The following CFH variants were observed in gnomAD, a reference collection of about 807,000 sequenced individuals.
CFH encodes H factor 1 (complement).
In CFH, 53 loss-of-function variants were observed where a neutral mutation model predicts 147.3. The observed-to-expected ratio is 0.36, with a 90% CI of 0.29 to 0.45. The LOEUF is 0.45. Ranked by LOEUF, CFH falls within the 20% of genes least tolerant of loss-of-function variation. The pLI, the probability that CFH is intolerant of heterozygous loss-of-function variation, is 1.00. For missense variants in CFH, 1,380 were observed against 1,498.0 expected (o/e 0.92, Z 1.30); for synonymous variants, 536 against 489.4 (o/e 1.10, Z -1.26).
chr1:196,724,994 G>A (rs1669102103), intron 11 of CFH, 127 bp from the exon 12 acceptor site: 4 of 719,704 alleles, frequency 5.6e-6, no homozygotes, highest in Non-Finnish European at 9.5e-6. Flanking sequence ...TCTTTACAGG[G>A]AAAAGGATTT....
At chr1:196,654,666 A>T (rs993567031) in intron 1 of CFH, among the ~76,000 whole-genome samples, 4 of 152,196 alleles carry the variant, frequency 2.6e-5, no homozygotes, top group Non-Finnish European at 4.4e-5. Context: ...AAATTCCAAG[A>T]TGATTAAAGT....
chr1:196,658,740 T>A (rs1220621141), intron 1 of CFH, among the ~76,000 whole-genome samples: 1 of 152,004 alleles, frequency 6.6e-6, no homozygotes, highest in Admixed American at 6.5e-5. Context: ...AGGTAATTTT[T>A]AAAATTTTTT....
chr1:196,674,641 C>A (rs1667394551), intron 3 of CFH, among the ~76,000 whole-genome samples: 1 of 152,070 alleles, frequency 6.6e-6, no homozygotes, highest in Non-Finnish European at 1.5e-5. Context: ...TCGTATACTT[C>A]ATAAATATAA....
rs549213437 is a variant in CFH, at chr1:196,658,407, A to ATTTTTTTTTTTTTTTTTTTTTTTTT, written c.58+6254_58+6255insTTTTTTTTTTTTTTTTTTTTTTTTT. On this transcript the variant is annotated intron_variant, in intron 1 of 21. Transcript: ENST00000367429. The stretch of plus-strand genomic sequence containing the variant: ...GGATTACAGCCACCTTGCTCAGGTA[A>ATTTTTTTTTTTTTTTTTTTTTTTTT]TTTTTTTTTTTTTTTTTTTTTTGAG... Among the ~76,000 whole-genome samples, 18 of 92,250 alleles carry ATTTTTTTTTTTTTTTTTTTTTTTTT rather than the reference A, an allele frequency of 2.0e-4. 1 individual carries two copies. Among genetic ancestry groups the ATTTTTTTTTTTTTTTTTTTTTTTTT allele is most frequent in the East Asian group, 6.8e-4 (2 of 2,962 alleles). The allele number at this position is 92,250 out of a possible 152,430, so 60.5% of individuals were successfully genotyped here.
chr1:196,678,974 A>G (rs2149081619), intron 5 of CFH: 1 of 152,420 alleles, frequency 6.6e-6, no homozygotes, highest in Admixed American at 6.6e-5. Context: ...AAGGATTTCA[A>G]GTGGAGTTAC....
intron 9 of CFH, among the ~76,000 whole-genome samples, chr1:196,696,958 A>G (rs1668293960): frequency 6.6e-6 from 1 of 152,234 alleles, no homozygotes; most frequent in African/African-American, 2.4e-5. Flanking sequence ...CCATATGTAG[A>G]AAGCTGAAAC....
intron 11 of CFH, among the ~76,000 whole-genome samples, chr1:196,718,804 G>T (rs1668931438): frequency 6.6e-6 from 1 of 152,054 alleles, no homozygotes; most frequent in Non-Finnish European, 1.5e-5. Flanking sequence ...TGTAGAAAAT[G>T]TCTTTCTATT....
intron 9 of CFH, among the ~76,000 whole-genome samples, chr1:196,700,200 G>T (rs546663977): frequency 6.6e-5 from 10 of 152,190 alleles, no homozygotes; most frequent in African/African-American, 2.4e-4. Flanking sequence ...AAAGATTCTT[G>T]CCCAGAAAGC....
At chr1:196,696,589 C>A (rs1006361994) in intron 9 of CFH, among the ~76,000 whole-genome samples, 1 of 151,210 alleles carries the variant, frequency 6.6e-6, no homozygotes, top group Admixed American at 6.6e-5. Context: ...CTATAAATTA[C>A]CTTTGGCAGC....
chr1:196,725,217 A>C lies in CFH; in HGVS notation c.1793A>C (p.Lys598Thr). The C allele has an allele frequency of 6.2e-7, 1 of 1,613,960 alleles. No individual in the cohort carries two copies. The highest frequency in any genetic ancestry group is 1.1e-5 in the South Asian group (1 of 91,076). ...GGAGAGGTGTTGAAATTCTCCTGCAAACCAGGATTTACAATAGTTGGACCT... is the reference window on the plus strand; with the variant it reads ...GGAGAGGTGTTGAAATTCTCCTGCACACCAGGATTTACAATAGTTGGACCT... Reference protein sequence around the residue: ...KVGEVLKFSCKPGFTIVGPNS... With the variant: ...KVGEVLKFSCTPGFTIVGPNS... Residue 598 changes from lysine (K) to threonine (T), a missense_variant, in exon 12 of 22, where the codon AAA becomes ACA. Physicochemically the swap from Lys to Thr is moderately conservative, Grantham distance 78. This residue lies in a region of CFH where 830 missense variants were observed against 821.4 expected (regional missense o/e 1.01). Transcript: ENST00000367429.
At chr1:196,707,969 T>C (rs1485820478) in intron 9 of CFH, among the ~76,000 whole-genome samples, 4 of 152,230 alleles carry the variant, frequency 2.6e-5, no homozygotes, top group Non-Finnish European at 4.4e-5. Flanking sequence ...GCTACCCTTA[T>C]AGACATTACT....
chr1:196,718,740 A>T (rs1558175520), intron 11 of CFH, among the ~76,000 whole-genome samples: 1 of 152,080 alleles, frequency 6.6e-6, no homozygotes, highest in Non-Finnish European at 1.5e-5. Context: ...CAGACATGAA[A>T]TGAAAACCTA....
chr1:196,706,830 G>T (rs188779198), intron 9 of CFH, among the ~76,000 whole-genome samples: 1 of 152,130 alleles, frequency 6.6e-6, no homozygotes, highest in Non-Finnish European at 1.5e-5. Context: ...CAAGCAAGAG[G>T]TGCAGGGCTA....
Position 196,689,516 on chromosome 1 carries a change from C to T in CFH, c.1061C>T (p.Ser354Phe), listed in dbSNP as rs1262660062. 1.9e-6 allele frequency: 3 copies of T among 1,613,482 alleles called. No individual in the cohort carries two copies. In the Admixed American group the frequency reaches 5.0e-5, roughly 27 times the overall value. ...CCAGTAGCTGTAGGAAAATATTACT[C>T]CTATTACTGTGATGAACATTTTGAG... Reference protein sequence around the residue: ...YFPVAVGKYYSYYCDEHFETP... With the variant: ...YFPVAVGKYYFYYCDEHFETP... Residue 354 changes from serine to phenylalanine, a missense_variant, in exon 8 of 22, where the codon TCC becomes TTC. This residue lies in a region of CFH where 167 missense variants were observed against 228.0 expected (regional missense o/e 0.73). Coordinates refer to ENST00000367429, the MANE Select transcript of CFH (RefSeq NM_000186.4).
chr1:196,746,277 T>A (rs562426311), intron 21 of CFH, among the ~76,000 whole-genome samples: 94 of 152,164 alleles, frequency 6.2e-4, no homozygotes, highest in South Asian at 1.0e-3. Context: ...AAACCCCGTC[T>A]CTACTAAAAA....
chr1:196,740,707 C>T lies in CFH; in HGVS notation c.2871C>T (p.Tyr957=). 6.2e-7 allele frequency: 1 copy of T among 1,613,688 alleles called. No homozygotes were observed. The highest frequency in any genetic ancestry group is 8.5e-7 in the Non-Finnish European group (1 of 1,179,896). Residue 957 remains tyrosine, a synonymous_variant, in exon 18 of 22, where the codon TAC becomes TAT. Coordinates refer to ENST00000367429, the MANE Select transcript of CFH (RefSeq NM_000186.4). ...DSYQYGEEVT[Y]KCFEGFGIDG... is the part of the protein sequence containing the mutation. ...ATCAGTATGGAGAAGAAGTTACGTA[C>T]AAATGTTTTGAAGGTTTTGGAATTG...
chr1:196,679,845 T>G, intron 6 of CFH, 52 bp downstream of exon 6: 1 of 1,432,272 alleles, frequency 7.0e-7, no homozygotes, highest in Non-Finnish European at 9.6e-7. Context: ...CATATTTTAA[T>G]TAATTCTTTT....
intron 11 of CFH, among the ~76,000 whole-genome samples, chr1:196,722,384 T>A (rs1052842730): frequency 5.3e-5 from 8 of 152,128 alleles, no homozygotes; most frequent in Non-Finnish European, 1.5e-5. Context: ...TATGAACTAA[T>A]CTTTCTTTAA....
chr1:196,688,070 T>C (rs1667887754), intron 7 of CFH, among the ~76,000 whole-genome samples: 1 of 151,888 alleles, frequency 6.6e-6, no homozygotes, highest in Admixed American at 6.6e-5. Context: ...AGAATATTTA[T>C]ATGTGTGTGT....
Sources: allele counts gnomAD v4.1 joint callset (sites outside exome capture counted in the v4.1 genomes callset), GRCh38; gene constraint gnomAD v4.1.1; regional missense constraint gnomAD v4.1.1; transcripts MANE v1.5; gene names NCBI Gene and HGNC (gene_info 2026-07-23, HGNC 2026-07-21).